Variants in GFRA1 observed in about 807,000 individuals in gnomAD.
GFRA1 encodes GDNF family receptor alpha 1, also known as GDNF family receptor alpha-1.
In GFRA1, 16 loss-of-function variants were observed where a neutral mutation model predicts 51.6. The observed-to-expected ratio is 0.31, with a 90% CI of 0.21 to 0.47. GFRA1 has a LOEUF of 0.47. GFRA1 is among the 20% of genes least tolerant of loss of function. The probability of loss-of-function intolerance (pLI) is 1.00; values close to 1 mark genes in which losing one functional copy is unlikely to be tolerated. For missense variants in GFRA1, 530 were observed against 594.3 expected (o/e 0.89, Z 1.13); for synonymous variants, 270 against 241.3 (o/e 1.12, Z -1.10).
chr10:116,266,330 A>G lies in GFRA1; in HGVS notation c.418+3173T>C, dbSNP rs555976842. 1.8e-3 allele frequency among the ~76,000 whole-genome samples: 279 copies of G among 152,348 alleles called. 1 individual carries two copies. Among genetic ancestry groups the G allele is most frequent in the African/African-American group, 6.2e-3 (256 of 41,588 alleles). The stretch of plus-strand genomic sequence containing the variant: ...GACACTGTTGTCCTGGCTTCCTCAG[A>G]TAAATTTTCAAGACAGAAGAGATGT... On this transcript the variant is annotated intron_variant, in intron 4 of 10. Transcript: ENST00000355422.
upstream of GFRA1, chr10:116,273,298 A>T (rs1844090372): frequency 2.0e-5 from 1 of 50,980 alleles, no homozygotes; most frequent in African/African-American, 3.6e-5. Flanking sequence ...GGAAAAGAAA[A>T]AAAAGAAAAA....
At chr10:116,150,241 T>C (rs1330663344) in intron 5 of GFRA1, among the ~76,000 whole-genome samples, 1 of 152,190 alleles carries the variant, frequency 6.6e-6, no homozygotes, top group Non-Finnish European at 1.5e-5. Context: ...TAGTGGTCCT[T>C]GGAGTCCAGA....
At chr10:116,086,541 C>A (rs1025137557) in intron 9 of GFRA1, among the ~76,000 whole-genome samples, 2 of 152,178 alleles carry the variant, frequency 1.3e-5, no homozygotes, top group Admixed American at 6.5e-5. Flanking sequence ...TTGGCTGCCT[C>A]CCCTGCCCTT....
In GFRA1 at chr10:116,058,223, T is replaced by C. The variant is rs1313798527; in HGVS notation, c.*6175A>G. 1 of 152,282 alleles carries C rather than the reference T, an allele frequency of 6.6e-6. No homozygotes were observed. The highest frequency in any genetic ancestry group is 1.9e-4 in the East Asian group (1 of 5,186). 9.4% of individuals were successfully genotyped at this position (152,282 alleles called of 1,614,324 possible). A position where few individuals can be genotyped will look rare whatever the true frequency, so the allele number is the denominator to read the frequency against. ...ATCCACTGGATTTTCTAATTCTTCTTCCTACTTCACTCTAGTCTTAGGATC... is the reference window on the plus strand; with the variant it reads ...ATCCACTGGATTTTCTAATTCTTCTCCCTACTTCACTCTAGTCTTAGGATC... On this transcript the variant is annotated 3_prime_UTR_variant, in exon 11 of 11. Coordinates refer to ENST00000355422, the MANE Select transcript of GFRA1 (RefSeq NM_005264.8).
intron 4 of GFRA1, among the ~76,000 whole-genome samples, chr10:116,253,096 G>A (rs1322927188): frequency 1.3e-5 from 2 of 152,186 alleles, no homozygotes; most frequent in Non-Finnish European, 2.9e-5. Flanking sequence ...TACCCAGCAC[G>A]CAGCTGGATG....
chr10:116,255,773 ACCATCTCC>A, intron 4 of GFRA1: 1 of 1,283,212 alleles, frequency 7.8e-7, no homozygotes, highest in Admixed American at 2.3e-5. Flanking sequence ...CTGGCCCACC[ACCATCTCC>A]CCAGCAGCTA....
At chr10:116,167,779 C>A (rs1254397690) in intron 5 of GFRA1, among the ~76,000 whole-genome samples, 1 of 152,170 alleles carries the variant, frequency 6.6e-6, no homozygotes, top group East Asian at 1.9e-4. Context: ...TTCTAAGTGA[C>A]CAGGACACAA....
chr10:116,180,704 C>T, intron 5 of GFRA1, among the ~76,000 whole-genome samples: 1 of 152,104 alleles, frequency 6.6e-6, no homozygotes, highest in Non-Finnish European at 1.5e-5. Context: ...TTCATGGTTT[C>T]TTTTTAAGAG....
At position 116,064,362 on chromosome 10, in the gene GFRA1, C is replaced by CTTTTTACATGTCCATATTGTAT. The variant is rs747929204; in HGVS notation, c.*14_*35dup. 1 of 1,593,526 alleles carries CTTTTTACATGTCCATATTGTAT rather than the reference C, an allele frequency of 6.3e-7. No homozygotes were observed. Among genetic ancestry groups the CTTTTTACATGTCCATATTGTAT allele is most frequent in the Middle Eastern group, 2.2e-4 (1 of 4,456 alleles). On this transcript the variant is annotated 3_prime_UTR_variant, in exon 11 of 11. Coordinates refer to ENST00000355422, the MANE Select transcript of GFRA1 (RefSeq NM_005264.8). ...AGGAAACAGATAACTTGGTTTTTGT[C>CTTTTTACATGTCCATATTGTAT]TTTTTACATGTCCATATTGTATTTT...
At chr10:116,084,851 C>T (rs777684721) in intron 9 of GFRA1, among the ~76,000 whole-genome samples, 3 of 151,028 alleles carry the variant, frequency 2.0e-5, no homozygotes, top group Non-Finnish European at 4.4e-5. Flanking sequence ...TTTCCAGCTA[C>T]CAGACCACTC....
At chr10:116,265,639 G>C (rs1449560860) in intron 4 of GFRA1, among the ~76,000 whole-genome samples, 1 of 152,222 alleles carries the variant, frequency 6.6e-6, no homozygotes, top group Non-Finnish European at 1.5e-5. Flanking sequence ...AGGTGCAAGA[G>C]CAGAGATCTC....
intron 4 of GFRA1, among the ~76,000 whole-genome samples, chr10:116,235,519 C>A (rs932656834): frequency 2.6e-5 from 4 of 152,160 alleles, no homozygotes; most frequent in Non-Finnish European, 4.4e-5. Context: ...ACCCCCAACC[C>A]CTGGAAGATT....
At chr10:116,238,961 G>GT (rs1272270509) in intron 4 of GFRA1, among the ~76,000 whole-genome samples, 1 of 152,146 alleles carries the variant, frequency 6.6e-6, no homozygotes, top group Non-Finnish European at 1.5e-5. Flanking sequence ...CCTCGACTGG[G>GT]TTCACACTGA....
chr10:116,092,096 T>C (rs373402088), intron 8 of GFRA1, among the ~76,000 whole-genome samples: 2 of 138,110 alleles, frequency 1.4e-5, no homozygotes, highest in Admixed American at 7.3e-5. Context: ...CATACATACG[T>C]ACACACACAC....
At chr10:116,209,183 C>T (rs1283225180) in intron 5 of GFRA1, among the ~76,000 whole-genome samples, 2 of 152,190 alleles carry the variant, frequency 1.3e-5, no homozygotes, top group Non-Finnish European at 2.9e-5. Flanking sequence ...CTCACGTGCA[C>T]ATGCCACAGA....
intron 5 of GFRA1, among the ~76,000 whole-genome samples, chr10:116,178,184 C>G (rs1961819906): frequency 6.6e-6 from 1 of 152,070 alleles, no homozygotes; most frequent in South Asian, 2.1e-4. Flanking sequence ...AACTGGGAAA[C>G]TGGGAGGTTT....
At chr10:116,244,930 A>G (rs979911669) in intron 4 of GFRA1, among the ~76,000 whole-genome samples, 4 of 152,224 alleles carry the variant, frequency 2.6e-5, no homozygotes, top group African/African-American at 9.6e-5. Context: ...ATCAGTAAAC[A>G]TAAGCCAACA....
chr10:116,266,177 G>A (rs544778649), intron 4 of GFRA1, among the ~76,000 whole-genome samples: 215 of 152,252 alleles, frequency 1.4e-3, no homozygotes, highest in Non-Finnish European at 2.2e-3. Flanking sequence ...ACACAAGAAC[G>A]TCAAACATGT....
chr10:116,257,584 TGA>T (rs2134738386), intron 4 of GFRA1, among the ~76,000 whole-genome samples: 1 of 152,288 alleles, frequency 6.6e-6, no homozygotes, highest in South Asian at 2.1e-4. Flanking sequence ...CCTTCTATGA[TGA>T]GAGGTTACTC....
Sources: allele counts gnomAD v4.1 joint callset (sites outside exome capture counted in the v4.1 genomes callset), GRCh38; gene constraint gnomAD v4.1.1; transcripts MANE v1.5; gene names NCBI Gene and HGNC (gene_info 2026-07-23, HGNC 2026-07-21).